The following CFAP299 variants were observed in gnomAD, a reference collection of about 807,000 sequenced individuals.
The protein encoded by CFAP299 is cilia and flagella associated protein 299.
A neutral mutation model predicts 27.0 loss-of-function variants in CFAP299; 21 were observed. That is an observed-to-expected ratio of 0.78 (90% CI 0.55 to 1.12). The LOEUF (loss-of-function observed/expected upper bound fraction) is 1.12. Among genes scored for constraint, CFAP299 ranks in the 50% most tolerant of loss-of-function variants. The pLI is 0.00. For missense variants in CFAP299, 310 were observed against 276.6 expected, an observed-to-expected ratio of 1.12 and a Z score of -0.86; for synonymous variants, 104 against 98.1, an observed-to-expected ratio of 1.06 and a Z score of -0.36.
intron 3 of CFAP299, among the ~76,000 whole-genome samples, chr4:80,654,272 G>C (rs770268718): frequency 6.6e-6 from 1 of 152,048 alleles, no homozygotes; most frequent in Non-Finnish European, 1.5e-5. Context: ...ATGCCCTCAG[G>C]ATAAAGGCAC....
chr4:80,558,817 T>C (rs775586979), intron 2 of CFAP299, among the ~76,000 whole-genome samples: 1 of 152,024 alleles, frequency 6.6e-6, no homozygotes, highest in Non-Finnish European at 1.5e-5. Context: ...ATAAGTAAAA[T>C]AGAACACTGC....
rs549707197 is a variant in CFAP299, at chr4:80,710,566, C to T, written c.333+127383C>T. On this transcript the variant is annotated intron_variant, in intron 3 of 5. Coordinates refer to ENST00000358105, the MANE Select transcript of CFAP299 (RefSeq NM_152770.3). ...TGATGGCCTGGGACAAATTCACATA[C>T]GAGAAATAAGACTTTTTTTTTTTTC... is the stretch of plus-strand genomic sequence containing the variant. Among the ~76,000 whole-genome samples the T allele has an allele frequency of 2.3e-4, 20 of 86,948 alleles. No homozygotes were observed. The South Asian group carries it at 5.4e-3, about 23-fold the overall frequency. 57.0% of individuals were successfully genotyped at this position (86,948 alleles called of 152,430 possible).
chr4:80,599,025 A>G lies in CFAP299; in HGVS notation c.333+15842A>G, dbSNP rs79688069. On this transcript the variant is annotated intron_variant, in intron 3 of 5. Coordinates refer to ENST00000358105, the MANE Select transcript of CFAP299 (RefSeq NM_152770.3). ...AAATGTCATACTTTGGCCTCTAGCC[A>G]CCTCCAACTATGTGAAAGTAAAAGC... Among the ~76,000 whole-genome samples the G allele has an allele frequency of 6.8e-3, 1,040 of 152,286 alleles. 13 individuals carry two copies. Among genetic ancestry groups the G allele is most frequent in the African/African-American group, 0.024 (999 of 41,574 alleles).
chr4:80,834,239 G>A (rs1462129284), intron 3 of CFAP299, among the ~76,000 whole-genome samples: 2 of 152,098 alleles, frequency 1.3e-5, no homozygotes, highest in African/African-American at 4.8e-5. Context: ...TGTGATTAAA[G>A]GGACTGTCTG....
intron 4 of CFAP299, among the ~76,000 whole-genome samples, chr4:80,922,336 C>T (rs992640871): frequency 3.3e-5 from 5 of 151,952 alleles, no homozygotes; most frequent in African/African-American, 1.2e-4. Context: ...TACTTGCAAA[C>T]TAAAACATAC....
chr4:80,592,655 G>A (rs974707753), intron 3 of CFAP299, among the ~76,000 whole-genome samples: 1 of 152,116 alleles, frequency 6.6e-6, no homozygotes, highest in Non-Finnish European at 1.5e-5. Flanking sequence ...AGGATTAAAA[G>A]GGATATAACC....
intron 4 of CFAP299, among the ~76,000 whole-genome samples, chr4:80,942,980 C>T (rs988763388): frequency 6.6e-6 from 1 of 152,168 alleles, no homozygotes; most frequent in African/African-American, 2.4e-5. Flanking sequence ...ATTGAATTGA[C>T]TGCCAATGCT....
chr4:80,412,384 G>T (rs1235358575), intron 2 of CFAP299, among the ~76,000 whole-genome samples: 1 of 151,996 alleles, frequency 6.6e-6, no homozygotes, highest in East Asian at 1.9e-4. Context: ...CACGTTCTGG[G>T]ATAAAAAGAT....
At chr4:80,961,887 T>G (rs1265967357) in intron 5 of CFAP299, among the ~76,000 whole-genome samples, 1 of 152,014 alleles carries the variant, frequency 6.6e-6, no homozygotes, top group Admixed American at 6.6e-5. Context: ...TTAATCCATT[T>G]ACAGAAATAA....
intron 3 of CFAP299, among the ~76,000 whole-genome samples, chr4:80,676,420 T>G (rs1013076532): frequency 5.3e-5 from 8 of 152,200 alleles, no homozygotes; most frequent in Non-Finnish European, 5.9e-5. Context: ...TGTAGTTTTA[T>G]TTTTGTTATA....
At chr4:80,474,725 T>C (rs1730186552) in intron 2 of CFAP299, among the ~76,000 whole-genome samples, 1 of 152,244 alleles carries the variant, frequency 6.6e-6, no homozygotes, top group African/African-American at 2.4e-5. Context: ...AGAATATGTT[T>C]ATAAATTGAC....
intron 4 of CFAP299, among the ~76,000 whole-genome samples, chr4:80,897,814 ATT>A (rs1336430275): frequency 2.6e-5 from 4 of 152,110 alleles, no homozygotes; most frequent in Non-Finnish European, 5.9e-5. Context: ...TTTCACATTG[ATT>A]TCCCCTGTGA....
chr4:80,485,605 C>T (rs1578500015), intron 2 of CFAP299, among the ~76,000 whole-genome samples: 1 of 151,636 alleles, frequency 6.6e-6, no homozygotes, highest in South Asian at 2.1e-4. Context: ...AATTATGTAA[C>T]AAAATGTATT....
At chr4:80,493,483 T>C (rs1731248708) in intron 2 of CFAP299, among the ~76,000 whole-genome samples, 1 of 152,132 alleles carries the variant, frequency 6.6e-6, no homozygotes, top group Non-Finnish European at 1.5e-5. Flanking sequence ...AGCAGGTAAT[T>C]GGAATGAGTT....
chr4:80,604,767 A>G (rs1035767385), intron 3 of CFAP299, among the ~76,000 whole-genome samples: 2 of 152,202 alleles, frequency 1.3e-5, no homozygotes, highest in Non-Finnish European at 2.9e-5. Flanking sequence ...TGCAGGGACA[A>G]CAATCAAAAA....
intron 2 of CFAP299, among the ~76,000 whole-genome samples, chr4:80,408,907 A>G (rs1726569524): frequency 6.6e-6 from 1 of 151,952 alleles, no homozygotes; most frequent in Non-Finnish European, 1.5e-5. Context: ...AAGGAATAAA[A>G]TGGTTAAGTG....
intron 3 of CFAP299, among the ~76,000 whole-genome samples, chr4:80,664,222 T>C (rs1372798060): frequency 6.6e-6 from 1 of 152,110 alleles, no homozygotes; most frequent in Non-Finnish European, 1.5e-5. Context: ...TGGAGGAGTT[T>C]TTTTATACCC....
chr4:80,621,400 T>G (rs190054410), intron 3 of CFAP299, among the ~76,000 whole-genome samples: 292 of 152,272 alleles, frequency 1.9e-3, no homozygotes, highest in African/African-American at 6.9e-3. Context: ...CTCAAATATT[T>G]TCATACCTAA....
intron 3 of CFAP299, among the ~76,000 whole-genome samples, chr4:80,735,447 T>G (rs1277411859): frequency 6.6e-6 from 1 of 152,152 alleles, no homozygotes. Flanking sequence ...TTCTTCTGAT[T>G]GCTCTAGCTA....
Sources: gnomAD v4.1 joint callset for allele counts (sites outside exome capture counted in the v4.1 genomes callset) on GRCh38, gnomAD v4.1.1 for gene constraint, MANE v1.5 for transcripts, NCBI Gene and HGNC (gene_info 2026-07-23, HGNC 2026-07-21) for gene names.